The following KCNH1 variants were observed in gnomAD, a reference collection of about 807,000 sequenced individuals.
The protein encoded by KCNH1 is voltage-gated delayed rectifier potassium channel KCNH1.
Under a neutral mutation model 69.2 loss-of-function variants are expected in KCNH1, and 27 were observed. The ratio of observed to expected loss-of-function variants is 0.39; its 90% CI spans 0.29 to 0.54. The LOEUF (loss-of-function observed/expected upper bound fraction) is 0.54. Ranked by LOEUF, KCNH1 falls within the 20% of genes least tolerant of loss-of-function variation. The pLI is 0.68. For synonymous variants in KCNH1, 456 were observed against 487.7 expected, an observed-to-expected ratio of 0.93 and a Z score of 0.86; for missense variants, 798 against 1,261.6, an observed-to-expected ratio of 0.63 and a Z score of 5.57.
At chr1:210,712,888 G>T (rs959247397) in intron 10 of KCNH1, among the ~76,000 whole-genome samples, 3 of 152,082 alleles carry the variant, frequency 2.0e-5, no homozygotes, top group Non-Finnish European at 4.4e-5. Context: ...AAGAAGTTAC[G>T]AACAGTTGCC....
chr1:211,002,650 C>A (rs1689210603), intron 6 of KCNH1, among the ~76,000 whole-genome samples: 1 of 152,074 alleles, frequency 6.6e-6, no homozygotes, highest in South Asian at 2.1e-4. Context: ...TTTGACAATT[C>A]TAACTCTGAA....
chr1:211,128,116 C>T (rs573274968), intron 1 of KCNH1, among the ~76,000 whole-genome samples: 3 of 152,006 alleles, frequency 2.0e-5, no homozygotes, highest in African/African-American at 7.3e-5. Context: ...TGGTGAAACC[C>T]TGTATCTACT....
chr1:211,079,720 A>G (rs1424786309), intron 5 of KCNH1, among the ~76,000 whole-genome samples: 1 of 152,234 alleles, frequency 6.6e-6, no homozygotes, highest in Non-Finnish European at 1.5e-5. Context: ...CAAAAACTAC[A>G]TGATTATCTC....
intron 10 of KCNH1, among the ~76,000 whole-genome samples, chr1:210,733,759 T>C (rs963488047): frequency 6.6e-6 from 1 of 151,814 alleles, no homozygotes; most frequent in Admixed American, 6.6e-5. Flanking sequence ...AAGAGAGGTG[T>C]GGGTAGAGAA....
intron 6 of KCNH1, among the ~76,000 whole-genome samples, chr1:211,012,001 A>T (rs1689404132): frequency 6.6e-6 from 1 of 152,226 alleles, no homozygotes; most frequent in Admixed American, 6.5e-5. Flanking sequence ...AGTCACACTC[A>T]TCAAAAGAGA....
intron 6 of KCNH1, among the ~76,000 whole-genome samples, 166 bp downstream of exon 6, chr1:211,018,617 G>A (rs573798202): frequency 2.0e-4 from 31 of 152,286 alleles, no homozygotes; most frequent in African/African-American, 6.7e-4. Context: ...CCTCCAAACC[G>A]CCAAAGGATG....
rs1030788400 is a variant in KCNH1, at chr1:211,086,663, C to CCACAATGG, written c.440-3773_440-3766dup. On this transcript the variant is annotated intron_variant, in intron 4 of 10. Transcript: ENST00000271751. ...AAATGGCTTTTCCCCTGTCTTGACTCCACAATGGCTGGTGGGTGTCAACTT... is the reference window on the plus strand; with the variant it reads ...AAATGGCTTTTCCCCTGTCTTGACTCCACAATGGCACAATGGCTGGTGGGTGTCAACTT... 6.6e-5 allele frequency among the ~76,000 whole-genome samples: 10 copies of CCACAATGG among 152,254 alleles called. No homozygotes were observed. In the South Asian group the frequency reaches 1.7e-3, roughly 25 times the overall value.
At chr1:210,935,735 G>A (rs1418167284) in intron 6 of KCNH1, among the ~76,000 whole-genome samples, 1 of 152,198 alleles carries the variant, frequency 6.6e-6, no homozygotes, top group Non-Finnish European at 1.5e-5. Context: ...AGAATTTCAA[G>A]TTGGATCAAT....
intron 10 of KCNH1, among the ~76,000 whole-genome samples, chr1:210,733,299 C>T (rs763012363): frequency 3.9e-5 from 6 of 152,034 alleles, no homozygotes; most frequent in African/African-American, 7.3e-5. Context: ...AGAATCAAAG[C>T]GCATAGAAAT....
intron 5 of KCNH1, among the ~76,000 whole-genome samples, chr1:211,058,216 G>C (rs1443831098): frequency 6.6e-6 from 1 of 152,276 alleles, no homozygotes; most frequent in Non-Finnish European, 1.5e-5. Context: ...ACACTAAAGA[G>C]AGTCCTTCAG....
intron 7 of KCNH1, among the ~76,000 whole-genome samples, chr1:210,902,454 CA>C (rs1687016055): frequency 1.3e-5 from 2 of 151,186 alleles, no homozygotes; most frequent in East Asian, 3.9e-4. Context: ...CCTCTGTGCA[CA>C]TGGTGGTGGG....
intron 3 of KCNH1, among the ~76,000 whole-genome samples, chr1:211,099,576 C>G (rs888931696): frequency 2.6e-5 from 4 of 152,134 alleles, no homozygotes; most frequent in Non-Finnish European, 4.4e-5. Context: ...ATTTCCGTTC[C>G]CAGTGGACTC....
intron 7 of KCNH1, among the ~76,000 whole-genome samples, chr1:210,821,127 A>G (rs1261708858): frequency 6.6e-6 from 1 of 152,224 alleles, no homozygotes; most frequent in Non-Finnish European, 1.5e-5. Context: ...GTGAATCACT[A>G]GAGTGCTTTG....
chr1:210,905,109 G>A (rs936316484), intron 7 of KCNH1, among the ~76,000 whole-genome samples: 11 of 152,184 alleles, frequency 7.2e-5, no homozygotes, highest in Non-Finnish European at 2.9e-5. Context: ...GGTGACTGTA[G>A]GGATCTGGAC....
intron 9 of KCNH1, among the ~76,000 whole-genome samples, chr1:210,782,176 G>T (rs1401159372): frequency 6.6e-6 from 1 of 152,126 alleles, no homozygotes; most frequent in Non-Finnish European, 1.5e-5. Flanking sequence ...CACTGTCTCC[G>T]GTACGTGGCA....
At chr1:210,837,309 C>G (rs1479913005) in intron 7 of KCNH1, among the ~76,000 whole-genome samples, 1 of 152,080 alleles carries the variant, frequency 6.6e-6, no homozygotes, top group Non-Finnish European at 1.5e-5. Context: ...GTGCTTAGCT[C>G]TATTGTAGTA....
intron 7 of KCNH1, among the ~76,000 whole-genome samples, chr1:210,820,978 G>A (rs1370229009): frequency 1.3e-5 from 2 of 152,164 alleles, no homozygotes. Flanking sequence ...AATTTGTGTT[G>A]TTTTAAGCCA....
chr1:210,954,589 T>C (rs1267429548), intron 6 of KCNH1, among the ~76,000 whole-genome samples: 2 of 152,228 alleles, frequency 1.3e-5, no homozygotes, highest in Non-Finnish European at 2.9e-5. Context: ...TTTTTAATGA[T>C]CGCCATTCTA....
intron 5 of KCNH1, among the ~76,000 whole-genome samples, chr1:211,033,864 T>C (rs552879489): frequency 1.4e-3 from 207 of 152,086 alleles, no homozygotes; most frequent in African/African-American, 4.8e-3. Context: ...TGTATACATA[T>C]GTAACAAACC....
Sources: allele counts gnomAD v4.1 joint callset (sites outside exome capture counted in the v4.1 genomes callset), GRCh38; gene constraint gnomAD v4.1.1; transcripts MANE v1.5; gene names NCBI Gene and HGNC (gene_info 2026-07-23, HGNC 2026-07-21).